The following PXDNL variants were observed in gnomAD, a reference collection of about 807,000 sequenced individuals.
The protein encoded by PXDNL is peroxidasin like, also known as probable oxidoreductase PXDNL.
A neutral mutation model predicts 150.8 loss-of-function variants in PXDNL; 145 were observed. The ratio of observed to expected loss-of-function variants is 0.96; its 90% CI spans 0.84 to 1.10. The LOEUF is 1.10. Among genes scored for constraint, PXDNL ranks in the 50% least tolerant of loss-of-function variants. The probability of loss-of-function intolerance (pLI) is 0.00; values close to 1 mark genes in which losing one functional copy is unlikely to be tolerated. For synonymous variants in PXDNL, 757 were observed against 725.7 expected, an observed-to-expected ratio of 1.04 and a Z score of -0.69; for missense variants, 2,087 against 1,873.9, an observed-to-expected ratio of 1.11 and a Z score of -2.10.
chr8:51,345,476 A>G (rs1186111226), intron 20 of PXDNL, among the ~76,000 whole-genome samples: 2 of 152,236 alleles, frequency 1.3e-5, no homozygotes, highest in Non-Finnish European at 2.9e-5. Flanking sequence ...ATTAGCTTAA[A>G]TAGATACTAT....
At chr8:51,686,508 T>C (rs548733627) in intron 1 of PXDNL, among the ~76,000 whole-genome samples, 2 of 152,350 alleles carry the variant, frequency 1.3e-5, no homozygotes, top group African/African-American at 2.4e-5. Flanking sequence ...TAATAAGTCC[T>C]ACTTGACTAG....
At chr8:51,741,620 G>A (rs1474516790) in intron 1 of PXDNL, among the ~76,000 whole-genome samples, 1 of 152,102 alleles carries the variant, frequency 6.6e-6, no homozygotes, top group African/African-American at 2.4e-5. Context: ...AAGACAGTGT[G>A]GTATTAGAGG....
At chr8:51,501,426 A>C (rs761925437) in intron 4 of PXDNL, among the ~76,000 whole-genome samples, 17 of 100,678 alleles carry the variant, frequency 1.7e-4, no homozygotes, top group Non-Finnish European at 3.2e-4. Context: ...CCTCATACCC[A>C]CACATGCTCA....
chr8:51,458,041 C>T (rs1809974243), intron 8 of PXDNL, among the ~76,000 whole-genome samples: 1 of 152,162 alleles, frequency 6.6e-6, no homozygotes, highest in Admixed American at 6.5e-5. Context: ...AATATGTAAT[C>T]CTTTTACCTC....
At chr8:51,573,798 A>G (rs185264366) in intron 3 of PXDNL, among the ~76,000 whole-genome samples, 1 of 152,188 alleles carries the variant, frequency 6.6e-6, no homozygotes, top group Non-Finnish European at 1.5e-5. Context: ...GTACCTCAGA[A>G]TGTGACTGTA....
chr8:51,717,362 TCTAA>T (rs1255149880), intron 1 of PXDNL, among the ~76,000 whole-genome samples: 3 of 152,150 alleles, frequency 2.0e-5, no homozygotes, highest in Non-Finnish European at 4.4e-5. Context: ...GAAAAACCAT[TCTAA>T]GGACACATTA....
intron 1 of PXDNL, among the ~76,000 whole-genome samples, chr8:51,695,849 T>C (rs1158959331): frequency 6.6e-6 from 1 of 152,218 alleles, no homozygotes; most frequent in Non-Finnish European, 1.5e-5. Flanking sequence ...TTATTTGATC[T>C]CTAACTCCAT....
intron 5 of PXDNL, among the ~76,000 whole-genome samples, chr8:51,487,431 C>T (rs1810791204): frequency 6.6e-6 from 1 of 151,756 alleles, no homozygotes; most frequent in African/African-American, 2.4e-5. Flanking sequence ...ATGGCCTCAG[C>T]TTTAGTGAGG....
chr8:51,320,778 A>T lies in PXDNL; in HGVS notation c.4260+6T>A, dbSNP rs1259832437. ...GGAGTTGGACTGGAAAACTCGCAGC[A>T]CAAACCTCACAAATGCAGTGAGTGC... is the stretch of plus-strand genomic sequence containing the variant. On this transcript the variant is annotated splice_donor_region_variant and intron_variant, in intron 22 of 22. Coordinates refer to ENST00000356297, the MANE Select transcript of PXDNL (RefSeq NM_144651.5). The T allele has an allele frequency of 1.9e-6, 3 of 1,610,286 alleles. No homozygotes were observed. In the South Asian group the frequency reaches 3.3e-5, roughly 18 times the overall value.
chr8:51,369,710 C>T (rs1370976681), intron 19 of PXDNL, among the ~76,000 whole-genome samples: 1 of 151,444 alleles, frequency 6.6e-6, no homozygotes, highest in African/African-American at 2.4e-5. Context: ...TTACTGCTGG[C>T]TTATTAATTT....
chr8:51,671,158 G>A (rs1489904974), intron 1 of PXDNL, among the ~76,000 whole-genome samples: 3 of 152,234 alleles, frequency 2.0e-5, no homozygotes, highest in Non-Finnish European at 2.9e-5. Flanking sequence ...GACTTGACTC[G>A]AAATAGTATG....
At chr8:51,522,106 T>G (rs1233764792) in intron 4 of PXDNL, among the ~76,000 whole-genome samples, 1 of 151,972 alleles carries the variant, frequency 6.6e-6, no homozygotes, top group Non-Finnish European at 1.5e-5. Flanking sequence ...TTTCTTATTT[T>G]TAAGTTCTCT....
At position 51,726,563 on chromosome 8, in the gene PXDNL, T is replaced by TA. The variant is rs370747901; in HGVS notation, c.165-71804dup. ...TTCATACTTGCCTATAAGGCCTTTT[T>TA]ATTCATCACTATTCTTTGCCGTTCA... On this transcript the variant is annotated intron_variant, in intron 1 of 22. Transcript: ENST00000356297. Among the ~76,000 whole-genome samples the TA allele has an allele frequency of 2.1e-3, 314 of 152,358 alleles. 2 individuals are homozygous for TA. The highest frequency in any genetic ancestry group is 7.2e-3 in the African/African-American group (298 of 41,580).
chr8:51,345,561 T>G (rs1181267226), intron 20 of PXDNL, among the ~76,000 whole-genome samples: 1 of 152,208 alleles, frequency 6.6e-6, no homozygotes, highest in African/African-American at 2.4e-5. Flanking sequence ...TAATGTCATT[T>G]AAGGGATCAA....
intron 4 of PXDNL, among the ~76,000 whole-genome samples, chr8:51,504,359 T>C (rs1811244236): frequency 6.6e-6 from 1 of 152,116 alleles, no homozygotes; most frequent in African/African-American, 2.4e-5. Flanking sequence ...ATCCCCTTTA[T>C]CCCCTTCTTG....
intron 4 of PXDNL, among the ~76,000 whole-genome samples, chr8:51,522,602 G>T (rs1389039430): frequency 6.6e-6 from 1 of 150,652 alleles, no homozygotes; most frequent in South Asian, 2.1e-4. Context: ...CCAGCACTTT[G>T]GGGGGCCGAA....
At chr8:51,735,536 T>G (rs998066426) in intron 1 of PXDNL, among the ~76,000 whole-genome samples, 27 of 115,088 alleles carry the variant, frequency 2.3e-4, no homozygotes, top group South Asian at 5.7e-4. Flanking sequence ...GTTTTTTTTT[T>G]TTTTTTTTTT....
chr8:51,349,046 G>A (rs936358285), intron 19 of PXDNL, among the ~76,000 whole-genome samples: 1 of 152,156 alleles, frequency 6.6e-6, no homozygotes. Context: ...TTAAATTTCT[G>A]GTCTATGTGT....
intron 8 of PXDNL, 58 bp from the exon 9 acceptor site, chr8:51,457,725 A>C (rs1362051231): frequency 2.2e-6 from 3 of 1,374,164 alleles, no homozygotes; most frequent in Non-Finnish European, 3.0e-6. Context: ...TAAAACTCTT[A>C]ACAAGACTGA....
Sources: gnomAD v4.1 joint callset for allele counts (sites outside exome capture counted in the v4.1 genomes callset) on GRCh38, gnomAD v4.1.1 for gene constraint, MANE v1.5 for transcripts, NCBI Gene and HGNC (gene_info 2026-07-23, HGNC 2026-07-21) for gene names.